Variants in ZNRF1 observed in about 807,000 individuals in gnomAD.
ZNRF1 encodes E3 ubiquitin-protein ligase ZNRF1.
ZNRF1 carries 3 observed loss-of-function variants against 18.4 expected under a neutral mutation model. The ratio of observed to expected loss-of-function variants is 0.16; its 90% confidence interval spans 0.07 to 0.42. The LOEUF is 0.42. Among genes scored for constraint, ZNRF1 ranks in the 10% least tolerant of loss-of-function variants. The probability of loss-of-function intolerance (pLI) is 0.99; values close to 1 mark genes in which losing one functional copy is unlikely to be tolerated. For synonymous variants in ZNRF1, 157 were observed against 144.2 expected (o/e 1.09, Z -0.64); for missense variants, 310 against 329.8 (o/e 0.94, Z 0.47).
intron 1 of ZNRF1, among the ~76,000 whole-genome samples, chr16:75,050,677 G>A (rs1196146859): frequency 2.6e-5 from 4 of 151,328 alleles, no homozygotes; most frequent in Non-Finnish European, 5.9e-5. Context: ...GACCATCCTG[G>A]CTAACACGGT....
intron 1 of ZNRF1, among the ~76,000 whole-genome samples, chr16:75,050,749 T>C (rs985580294): frequency 1.3e-5 from 2 of 150,504 alleles, no homozygotes; most frequent in Non-Finnish European, 3.0e-5. Flanking sequence ...CAGGCGCCTG[T>C]AGTCCCAGCT....
chr16:75,051,031 A>G (rs2145373939), intron 1 of ZNRF1, among the ~76,000 whole-genome samples: 1 of 58,490 alleles, frequency 1.7e-5, no homozygotes, highest in Middle Eastern at 9.4e-3. Context: ...TGTCGCTACA[A>G]AAAGAAAAAA....
rs1167169446 is a variant in ZNRF1, at chr16:75,107,977, AT to A, written c.*279del. 1 of 352,428 alleles carries A rather than the reference AT, an allele frequency of 2.8e-6. No homozygotes were observed. Among genetic ancestry groups the A allele is most frequent in the African/African-American group, 2.2e-5 (1 of 46,460 alleles). 21.8% of individuals were successfully genotyped at this position (352,428 alleles called of 1,614,324 possible). A position where few individuals can be genotyped will look rare whatever the true frequency, so the allele number is the denominator to read the frequency against. ...ATTTTCTTTTTCATCTTTGAAAGGC[AT>A]TGTGGGTCTGTCTTTAAAGTGTTTA... On this transcript the variant is annotated 3_prime_UTR_variant, in exon 5 of 5. Transcript: ENST00000335325.
At chr16:75,089,097 A>C (rs1476422370) in intron 1 of ZNRF1, among the ~76,000 whole-genome samples, 1 of 151,966 alleles carries the variant, frequency 6.6e-6, no homozygotes, top group Non-Finnish European at 1.5e-5. Flanking sequence ...ATAGACACCA[A>C]CTTACTCATT....
At chr16:75,072,533 C>T (rs956940760) in intron 1 of ZNRF1, among the ~76,000 whole-genome samples, 1 of 152,154 alleles carries the variant, frequency 6.6e-6, no homozygotes, top group Non-Finnish European at 1.5e-5. Flanking sequence ...CAGTCCAGTG[C>T]CTGACACAGA....
chr16:75,094,050 C>T (rs2036170771), intron 2 of ZNRF1, among the ~76,000 whole-genome samples: 1 of 152,158 alleles, frequency 6.6e-6, no homozygotes, highest in Non-Finnish European at 1.5e-5. Flanking sequence ...CAGAGGGGCC[C>T]AGAGCAAGCA....
intron 1 of ZNRF1, among the ~76,000 whole-genome samples, chr16:75,092,169 A>G (rs2036147686): frequency 6.6e-6 from 1 of 152,138 alleles, no homozygotes; most frequent in African/African-American, 2.4e-5. Context: ...ACATTTAAAA[A>G]TATGTATAAG....
chr16:75,094,251 C>T (rs1348001582), intron 2 of ZNRF1, among the ~76,000 whole-genome samples: 1 of 152,150 alleles, frequency 6.6e-6, no homozygotes, highest in African/African-American at 2.4e-5. Context: ...GCGGATAGGA[C>T]ACCTTGCTGC....
intron 1 of ZNRF1, among the ~76,000 whole-genome samples, chr16:75,072,788 A>T (rs370565062): frequency 6.6e-6 from 1 of 152,186 alleles, no homozygotes; most frequent in Non-Finnish European, 1.5e-5. Context: ...GAGCTGTGAC[A>T]TGGCTCACCC....
chr16:75,043,940 C>T (rs181132545), intron 1 of ZNRF1, among the ~76,000 whole-genome samples: 2 of 151,942 alleles, frequency 1.3e-5, no homozygotes, highest in African/African-American at 4.8e-5. Flanking sequence ...CAGGCATGCA[C>T]CACCATACCC....
chr16:75,055,505 C>G (rs1450127786), intron 1 of ZNRF1, among the ~76,000 whole-genome samples: 1 of 152,204 alleles, frequency 6.6e-6, no homozygotes. Flanking sequence ...AGGTCGTGTT[C>G]TGTCCTCAAA....
chr16:75,107,212 T>G, intron 4 of ZNRF1: 1 of 169,850 alleles, frequency 5.9e-6, no homozygotes, highest in South Asian at 1.2e-4. Flanking sequence ...CCCCCAGGGG[T>G]ACCCCACTTG....
At chr16:75,040,056 T>C (rs1179081843) in intron 1 of ZNRF1, among the ~76,000 whole-genome samples, 4 of 134,554 alleles carry the variant, frequency 3.0e-5, no homozygotes, top group African/African-American at 1.1e-4. Context: ...TTTTTTTTTT[T>C]TTTTTTTTTT....
At chr16:75,087,664 C>CTCTG (rs1322793740) in intron 1 of ZNRF1, among the ~76,000 whole-genome samples, 1 of 152,242 alleles carries the variant, frequency 6.6e-6, no homozygotes, top group Non-Finnish European at 1.5e-5. Context: ...CCCCACAATG[C>CTCTG]TCTGTCATTC....
intron 1 of ZNRF1, among the ~76,000 whole-genome samples, chr16:75,090,427 G>A (rs958309557): frequency 6.6e-6 from 1 of 151,968 alleles, no homozygotes; most frequent in South Asian, 2.1e-4. Context: ...TGTGTTGCCC[G>A]GGCAGGTCTC....
Position 75,106,628 on chromosome 16 carries a change from G to A in ZNRF1, c.*32+57G>A, listed in dbSNP as rs995922255. Reference sequence around the variant, plus strand: ...AAGGCTTGGGGTCAGGTCACTTTGGGGGCCTGCAGTTTAGGGAGCCGGGCT... The same window carrying A: ...AAGGCTTGGGGTCAGGTCACTTTGGAGGCCTGCAGTTTAGGGAGCCGGGCT... On this transcript the variant is annotated intron_variant, in intron 4 of 4. Coordinates refer to ENST00000335325, the MANE Select transcript of ZNRF1 (RefSeq NM_032268.5). The A allele has an allele frequency of 2.0e-6, 3 of 1,484,924 alleles. No individual in the cohort carries two copies. In the African/African-American group the frequency reaches 4.2e-5, roughly 21 times the overall value. The allele number at this position is 1,484,924 out of a possible 1,614,324, so 92.0% of individuals were successfully genotyped here. A position where few individuals can be genotyped will look rare whatever the true frequency, so the allele number is the denominator to read the frequency against.
chr16:75,065,253 G>A (rs538422812), intron 1 of ZNRF1, among the ~76,000 whole-genome samples: 1 of 152,186 alleles, frequency 6.6e-6, no homozygotes, highest in Non-Finnish European at 1.5e-5. Context: ...ACCCAACCCC[G>A]AGGTGCCTGC....
intron 1 of ZNRF1, among the ~76,000 whole-genome samples, chr16:75,052,668 G>C (rs1425431120): frequency 6.6e-6 from 1 of 152,112 alleles, no homozygotes; most frequent in African/African-American, 2.4e-5. Flanking sequence ...ATTTCCAGCA[G>C]GCAGGTGTGT....
At chr16:75,079,805 A>G (rs1486571493) in intron 1 of ZNRF1, among the ~76,000 whole-genome samples, 1 of 152,252 alleles carries the variant, frequency 6.6e-6, no homozygotes, top group African/African-American at 2.4e-5. Flanking sequence ...TGAACAGAGG[A>G]TGCCCTGATG....
Sources: allele counts gnomAD v4.1 joint callset (sites outside exome capture counted in the v4.1 genomes callset), GRCh38; gene constraint gnomAD v4.1.1; transcripts MANE v1.5; gene names NCBI Gene and HGNC (gene_info 2026-07-23, HGNC 2026-07-21).